The following WNT3 variants were observed in gnomAD, a reference collection of about 807,000 sequenced individuals.
WNT3 encodes the protein proto-oncogene Wnt-3.
A neutral mutation model predicts 34.2 loss-of-function variants in WNT3; 7 were observed. That is an observed-to-expected ratio of 0.20 (90% CI 0.12 to 0.38). WNT3 has a LOEUF of 0.38. WNT3 is among the 10% of genes least tolerant of loss of function. The pLI, the probability that WNT3 is intolerant of heterozygous loss-of-function variation, is 1.00. For missense variants in WNT3, 267 were observed against 499.8 expected, an observed-to-expected ratio of 0.53 and a Z score of 4.44; for synonymous variants, 212 against 211.5, an observed-to-expected ratio of 1.00 and a Z score of -0.02.
chr17:46,787,323 A>C (rs1000673145), intron 1 of WNT3, among the ~76,000 whole-genome samples: 2 of 151,950 alleles, frequency 1.3e-5, no homozygotes, highest in South Asian at 2.1e-4. Context: ...GAACAATAGG[A>C]GTGTCCTGGA....
chr17:46,810,944 G>A (rs564936034), intron 1 of WNT3, among the ~76,000 whole-genome samples: 3 of 152,166 alleles, frequency 2.0e-5, no homozygotes, highest in Non-Finnish European at 4.4e-5. Context: ...CCCAGAGCCC[G>A]CTCTGGCATC....
intron 1 of WNT3, among the ~76,000 whole-genome samples, chr17:46,817,799 A>C (rs1003050495): frequency 2.6e-5 from 4 of 152,192 alleles, no homozygotes; most frequent in African/African-American, 9.7e-5. Flanking sequence ...TTGGTCAAAG[A>C]ACAACAAGCC....
rs1376336260 is a variant in WNT3 at position 46,768,322 on chromosome 17, A to G, written c.1066T>C (p.Ter356GlnextTer47). The change falls in exon 4 of 5, where the codon TAG (stop) becomes CAG (glutamine). Residue 356 changes from the stop codon to glutamine, a stop_lost. Coordinates refer to ENST00000225512, the MANE Select transcript of WNT3 (RefSeq NM_030753.5). This position sits in a 1 kb window ranked among gnomAD's most constrained non-coding sequence, Gnocchi z 5.0. ...TTCCCGGAGCCCTACCTGGTGCCCTACTTGCAGGTGTGCACGTCGTAGATG... is the reference window on the plus strand; with the variant it reads ...TTCCCGGAGCCCTACCTGGTGCCCTGCTTGCAGGTGTGCACGTCGTAGATG... ...IRIYDVHTCK* is the reference protein window; with the variant it reads ...IRIYDVHTCKQ The G allele has an allele frequency of 1.2e-6, 2 of 1,613,512 alleles. No homozygotes were observed. The highest frequency in any genetic ancestry group is 1.7e-6 in the Non-Finnish European group (2 of 1,180,006).
chr17:46,788,754 C>A (rs551632250), intron 1 of WNT3, among the ~76,000 whole-genome samples: 29 of 152,148 alleles, frequency 1.9e-4, no homozygotes, highest in Non-Finnish European at 7.3e-5. Flanking sequence ...GACCTCCCTG[C>A]GAGGACCTCC....
intron 1 of WNT3, among the ~76,000 whole-genome samples, chr17:46,806,275 G>C (rs980438012): frequency 2.1e-5 from 3 of 143,432 alleles, no homozygotes; most frequent in Non-Finnish European, 4.5e-5. Context: ...GCAATGGCCA[G>C]GTCTCAGCTC....
At chr17:46,790,665 G>A (rs919965660) in intron 1 of WNT3, among the ~76,000 whole-genome samples, 8 of 152,000 alleles carry the variant, frequency 5.3e-5, no homozygotes, top group Non-Finnish European at 8.8e-5. Context: ...TTCCTCTCCC[G>A]AAGTAGCCCT....
At position 46,811,963 on chromosome 17, in the gene WNT3, A is replaced by AAAAG. The variant is rs985266456; in HGVS notation, c.80+6551_80+6554dup. 2.8e-4 allele frequency among the ~76,000 whole-genome samples: 42 copies of AAAAG among 152,222 alleles called. No homozygotes were observed. The East Asian group carries it at 4.4e-3, about 16-fold the overall frequency. On this transcript the variant is annotated intron_variant, in intron 1 of 4. Transcript: ENST00000225512. The stretch of plus-strand genomic sequence containing the variant: ...CAGAGCAAGGCTCTGTTTCAAGAAA[A>AAAAG]AAAGAAAGAAAGAAAGAAACTCAAC...
chr17:46,787,811 C>A (rs1012395367), intron 1 of WNT3, among the ~76,000 whole-genome samples: 2 of 152,166 alleles, frequency 1.3e-5, no homozygotes, highest in African/African-American at 4.8e-5. Flanking sequence ...AAAAAATTAA[C>A]CAGGCGTGGT....
chr17:46,817,050 C>T (rs1482656638), intron 1 of WNT3, among the ~76,000 whole-genome samples: 1 of 152,212 alleles, frequency 6.6e-6, no homozygotes, highest in Admixed American at 6.5e-5. Context: ...AGAAGAAAGA[C>T]TTCCCCTTGG....
At chr17:46,793,581 C>A (rs1270612866) in intron 1 of WNT3, among the ~76,000 whole-genome samples, 1 of 152,152 alleles carries the variant, frequency 6.6e-6, no homozygotes, top group African/African-American at 2.4e-5. Flanking sequence ...GACCTGAGGG[C>A]TGGAGGCATT....
At chr17:46,786,496 T>C (rs1446015245) in intron 1 of WNT3, among the ~76,000 whole-genome samples, 2 of 152,286 alleles carry the variant, frequency 1.3e-5, no homozygotes, top group East Asian at 3.9e-4. Context: ...CCCCAGAGCG[T>C]CTCCCTGAGA....
chr17:46,795,893 C>T (rs2084047035), intron 1 of WNT3, among the ~76,000 whole-genome samples: 1 of 152,150 alleles, frequency 6.6e-6, no homozygotes, highest in African/African-American at 2.4e-5. Flanking sequence ...CACACACACA[C>T]ATGCATGCAC....
chr17:46,766,772 A>G (rs1186226236), intron 4 of WNT3, among the ~76,000 whole-genome samples: 3 of 152,094 alleles, frequency 2.0e-5, no homozygotes, highest in Admixed American at 6.5e-5. Flanking sequence ...AGTAGCTCAG[A>G]GGTGCCCTGT....
chr17:46,787,103 A>G (rs1289209969), intron 1 of WNT3, among the ~76,000 whole-genome samples: 1 of 151,980 alleles, frequency 6.6e-6, no homozygotes, highest in African/African-American at 2.4e-5. Flanking sequence ...ATGCTCTGCT[A>G]AGTTTTTAAA....
At chr17:46,772,854 A>G (rs533467402) in intron 2 of WNT3, among the ~76,000 whole-genome samples, 8 of 143,056 alleles carry the variant, frequency 5.6e-5, no homozygotes, top group African/African-American at 1.8e-4. Flanking sequence ...TTCATTCCCT[A>G]GCTTCTAATA....
At chr17:46,790,013 C>T (rs1014175605) in intron 1 of WNT3, among the ~76,000 whole-genome samples, 3 of 152,142 alleles carry the variant, frequency 2.0e-5, no homozygotes, top group Non-Finnish European at 4.4e-5. Context: ...ACCTGGACTT[C>T]CCCCACTCTA....
rs199503015 is a variant in WNT3, at chr17:46,768,698, G to A, written c.690C>T (p.Ile230=). 2.1e-5 allele frequency: 34 copies of A among 1,614,102 alleles called. No homozygotes were observed. The African/African-American group carries it at 2.5e-4, about 12-fold the overall frequency. The change falls in exon 4 of 5, where the codon ATC becomes ATT. Residue 230 remains isoleucine, a synonymous_variant. Coordinates refer to ENST00000225512, the MANE Select transcript of WNT3 (RefSeq NM_030753.5). This position sits in a 1 kb window ranked among gnomAD's most constrained non-coding sequence, Gnocchi z 5.0. ...CWWAQPDFRA[I]GDFLKDKYDS... Reference sequence around the variant, plus strand: ...CATACTTGTCCTTGAGGAAGTCACCGATGGCACGGAAGTCAGGCTGCGCCC... The same window carrying A: ...CATACTTGTCCTTGAGGAAGTCACCAATGGCACGGAAGTCAGGCTGCGCCC...
intron 1 of WNT3, among the ~76,000 whole-genome samples, chr17:46,777,553 A>G (rs547326551): frequency 1.2e-4 from 18 of 152,380 alleles, no homozygotes; most frequent in Non-Finnish European, 2.1e-4. Flanking sequence ...TGCTGTGCAG[A>G]CGCAGTCTCT....
chr17:46,806,101 T>A (rs2084190777), intron 1 of WNT3, among the ~76,000 whole-genome samples: 1 of 152,170 alleles, frequency 6.6e-6, no homozygotes, highest in African/African-American at 2.4e-5. Context: ...AAGCGAGGAA[T>A]TACTAGCTGC....
Sources: allele counts gnomAD v4.1 joint callset (sites outside exome capture counted in the v4.1 genomes callset), GRCh38; gene constraint gnomAD v4.1.1; non-coding constraint Gnocchi (gnomAD v3.1); transcripts MANE v1.5; gene names NCBI Gene and HGNC (gene_info 2026-07-23, HGNC 2026-07-21).